The following STK32B variants were observed in gnomAD, a reference collection of about 807,000 sequenced individuals.
STK32B encodes the protein serine/threonine kinase 32B.
Under a neutral mutation model 52.6 loss-of-function variants are expected in STK32B, and 43 were observed. The ratio of observed to expected loss-of-function variants is 0.82; its 90% CI spans 0.64 to 1.05. The LOEUF (loss-of-function observed/expected upper bound fraction) is 1.05. Ranked by LOEUF, STK32B falls within the 50% of genes least tolerant of loss-of-function variation. The pLI, the probability that STK32B is intolerant of heterozygous loss-of-function variation, is 0.00. For synonymous variants in STK32B, 238 were observed against 204.3 expected, an observed-to-expected ratio of 1.17 and a Z score of -1.41; for missense variants, 621 against 534.6, an observed-to-expected ratio of 1.16 and a Z score of -1.59.
intron 3 of STK32B, among the ~76,000 whole-genome samples, chr4:5,243,712 G>A (rs999591549): frequency 5.3e-5 from 8 of 152,028 alleles, no homozygotes; most frequent in African/African-American, 1.9e-4. Context: ...ATTGCCTGTG[G>A]GTTTGTCATA....
intron 3 of STK32B, among the ~76,000 whole-genome samples, chr4:5,305,129 G>A (rs7442313): frequency 2.0e-5 from 3 of 151,882 alleles, no homozygotes; most frequent in African/African-American, 7.3e-5. Context: ...TGTTCATCAG[G>A]GATATTGGTC....
intron 4 of STK32B, among the ~76,000 whole-genome samples, chr4:5,335,554 C>A (rs1732611688): frequency 6.6e-6 from 1 of 151,902 alleles, no homozygotes; most frequent in Admixed American, 6.6e-5. Flanking sequence ...TTTTTTAGTT[C>A]TTTAAATTGT....
At chr4:5,317,044 T>TATATA (rs1283018892) in intron 3 of STK32B, among the ~76,000 whole-genome samples, 1 of 26,514 alleles carries the variant, frequency 3.8e-5, no homozygotes, top group Non-Finnish European at 5.2e-5. Context: ...TAATATATTA[T>TATATA]ATATATAATA....
intron 4 of STK32B, among the ~76,000 whole-genome samples, chr4:5,374,290 T>G (rs1470993063): frequency 6.6e-6 from 1 of 152,236 alleles, no homozygotes; most frequent in Admixed American, 6.5e-5. Context: ...CTTCATGATT[T>G]TTGCTTTATC....
chr4:5,052,968 G>T (rs527273265), intron 1 of STK32B, among the ~76,000 whole-genome samples: 1 of 152,178 alleles, frequency 6.6e-6, no homozygotes, highest in Non-Finnish European at 1.5e-5. Flanking sequence ...CTGGTAAGAA[G>T]TAGAGCTGGG....
chr4:5,495,017 T>C (rs1275840052), intron 11 of STK32B, among the ~76,000 whole-genome samples: 2 of 152,294 alleles, frequency 1.3e-5, no homozygotes, highest in East Asian at 3.9e-4. Context: ...CATTTTTTCC[T>C]TCATTTCAAC....
chr4:5,459,308 T>G (rs1036976122), intron 8 of STK32B, among the ~76,000 whole-genome samples: 1 of 139,506 alleles, frequency 7.2e-6, no homozygotes, highest in Non-Finnish European at 1.5e-5. Context: ...TTTCTAAGTA[T>G]GTGCCAGGTC....
intron 3 of STK32B, among the ~76,000 whole-genome samples, chr4:5,188,070 C>T (rs796633500): frequency 9.9e-5 from 15 of 152,262 alleles, no homozygotes; most frequent in African/African-American, 3.1e-4. Context: ...AAGGAGACCC[C>T]GTGCATGAAA....
intron 3 of STK32B, among the ~76,000 whole-genome samples, chr4:5,283,345 A>G (rs1409384241): frequency 1.3e-5 from 2 of 152,174 alleles, no homozygotes; most frequent in Non-Finnish European, 2.9e-5. Flanking sequence ...AAGAACAAAG[A>G]AGGCCATGGG....
At chr4:5,333,444 G>C (rs1337576381) in intron 4 of STK32B, among the ~76,000 whole-genome samples, 1 of 152,154 alleles carries the variant, frequency 6.6e-6, no homozygotes, top group African/African-American at 2.4e-5. Flanking sequence ...TCACTCTGAT[G>C]GTAGTTTCTT....
At chr4:5,326,194 G>C (rs776877520) in intron 3 of STK32B, among the ~76,000 whole-genome samples, 1 of 152,076 alleles carries the variant, frequency 6.6e-6, no homozygotes, top group Non-Finnish European at 1.5e-5. Flanking sequence ...GAACTCGCTG[G>C]TTATTAATGC....
rs1230867691 is a variant in STK32B at position 5,395,725 on chromosome 4, T to A, written c.435-2482T>A. ...CAACACAGAAGCAATGTGTGTTATG[T>A]ATCAGGTATTTAATCCACACAGCAA... On this transcript the variant is annotated intron_variant, in intron 4 of 11. Coordinates refer to ENST00000282908, the MANE Select transcript of STK32B (RefSeq NM_018401.3). This position sits in a 1 kb window ranked among gnomAD's most constrained non-coding sequence, Gnocchi z 4.4. Among the ~76,000 whole-genome samples the A allele has an allele frequency of 6.6e-6, 1 of 152,166 alleles. No homozygotes were observed. The highest frequency in any genetic ancestry group is 1.9e-4 in the East Asian group (1 of 5,188).
intron 3 of STK32B, among the ~76,000 whole-genome samples, chr4:5,281,775 A>T (rs1728214485): frequency 2.0e-5 from 3 of 152,192 alleles, no homozygotes; most frequent in African/African-American, 7.2e-5. Context: ...CATCTGGGGG[A>T]TGGAAGAGGA....
chr4:5,171,098 A>G (rs1719334471), intron 3 of STK32B, among the ~76,000 whole-genome samples: 1 of 152,092 alleles, frequency 6.6e-6, no homozygotes, highest in Admixed American at 6.5e-5. Context: ...GGCTGCATAA[A>G]TGTCTTCTTT....
At chr4:5,089,711 A>G (rs1712950872) in intron 1 of STK32B, among the ~76,000 whole-genome samples, 1 of 152,140 alleles carries the variant, frequency 6.6e-6, no homozygotes, top group Admixed American at 6.5e-5. Flanking sequence ...TCCTTTGAGT[A>G]TATACCTAGT....
chr4:5,268,006 A>T (rs1050871923), intron 3 of STK32B, among the ~76,000 whole-genome samples: 6 of 152,172 alleles, frequency 3.9e-5, no homozygotes, highest in South Asian at 2.1e-4. Flanking sequence ...TGGACAAGGT[A>T]CAAGAATAGT....
chr4:5,446,055 A>G (rs195128), intron 6 of STK32B, among the ~76,000 whole-genome samples: 150,116 of 152,288 alleles, frequency 0.99, 73,997 homozygotes, highest in Middle Eastern at 0.99. Context: ...CAGCAAACAT[A>G]CTCCACCAAT....
chr4:5,373,188 A>G (rs1735367859), intron 4 of STK32B, among the ~76,000 whole-genome samples: 1 of 152,170 alleles, frequency 6.6e-6, no homozygotes. Context: ...TAGCTCGCCC[A>G]GCTATATTAG....
chr4:5,106,469 G>A (rs1448406405), intron 1 of STK32B, among the ~76,000 whole-genome samples: 1 of 151,946 alleles, frequency 6.6e-6, no homozygotes, highest in African/African-American at 2.4e-5. Context: ...GAAAACTTTG[G>A]TTTTACTATT....
Sources: allele counts gnomAD v4.1 joint callset (sites outside exome capture counted in the v4.1 genomes callset), GRCh38; gene constraint gnomAD v4.1.1; non-coding constraint Gnocchi (gnomAD v3.1); transcripts MANE v1.5; gene names NCBI Gene and HGNC (gene_info 2026-07-23, HGNC 2026-07-21).